The following NRG3 variants were observed in gnomAD, a reference collection of about 807,000 sequenced individuals.
The protein encoded by NRG3 is neuregulin 3, also known as pro-neuregulin-3, membrane-bound isoform.
Under a neutral mutation model 66.9 loss-of-function variants are expected in NRG3, and 31 were observed. The ratio of observed to expected loss-of-function variants is 0.46; its 90% CI spans 0.35 to 0.63. The LOEUF (loss-of-function observed/expected upper bound fraction) is 0.63. NRG3 is among the 20% of genes least tolerant of loss of function. The pLI is 0.00. For synonymous variants in NRG3, 393 were observed against 359.4 expected (o/e 1.09, Z -1.06); for missense variants, 910 against 878.9 (o/e 1.04, Z -0.45).
intron 2 of NRG3, among the ~76,000 whole-genome samples, chr10:82,708,158 C>T (rs977935983): frequency 1.3e-5 from 2 of 152,042 alleles, no homozygotes; most frequent in Non-Finnish European, 2.9e-5. Context: ...TGCTCATCTG[C>T]TATTTTTTCC....
At chr10:82,318,944 G>A (rs2081423601) in intron 1 of NRG3, among the ~76,000 whole-genome samples, 1 of 152,162 alleles carries the variant, frequency 6.6e-6, no homozygotes, top group Admixed American at 6.5e-5. Flanking sequence ...CCTAAAGAGT[G>A]TCTTTATAAA....
intron 1 of NRG3, among the ~76,000 whole-genome samples, chr10:82,005,789 CG>C (rs1564731035): frequency 6.6e-6 from 1 of 152,046 alleles, no homozygotes; most frequent in East Asian, 1.9e-4. Flanking sequence ...CACTAACGTA[CG>C]CTTTCTTTCA....
chr10:82,487,882 A>G (rs1346017742), intron 2 of NRG3, among the ~76,000 whole-genome samples: 1 of 152,180 alleles, frequency 6.6e-6, no homozygotes. Flanking sequence ...CAATATATTG[A>G]TTACAGTCTC....
intron 1 of NRG3, among the ~76,000 whole-genome samples, chr10:82,270,401 G>A (rs80324810): frequency 0.018 from 2,680 of 152,186 alleles, 31 homozygotes; most frequent in South Asian, 0.031. Context: ...TGAATGTTGA[G>A]TATATTAATA....
intron 1 of NRG3, among the ~76,000 whole-genome samples, chr10:82,321,680 G>T (rs1377821065): frequency 1.3e-5 from 2 of 152,180 alleles, no homozygotes; most frequent in African/African-American, 4.8e-5. Flanking sequence ...TTAAAATAAA[G>T]ATATGATTTG....
intron 1 of NRG3, among the ~76,000 whole-genome samples, chr10:82,308,265 T>G (rs1174069033): frequency 6.6e-6 from 1 of 152,126 alleles, no homozygotes; most frequent in Non-Finnish European, 1.5e-5. Context: ...TATTGTATTT[T>G]TAGTTAAGAG....
intron 4 of NRG3, among the ~76,000 whole-genome samples, chr10:82,870,406 C>T (rs1213449475): frequency 2.0e-5 from 3 of 152,082 alleles, no homozygotes; most frequent in African/African-American, 7.2e-5. Flanking sequence ...TTTGTGCAGG[C>T]TTTTGTATAG....
chr10:82,765,441 CAGAA>C (rs1345198525), intron 3 of NRG3, among the ~76,000 whole-genome samples: 4 of 152,110 alleles, frequency 2.6e-5, no homozygotes, highest in South Asian at 4.1e-4. Context: ...TATAAATAAA[CAGAA>C]AGTGAAATGG....
intron 1 of NRG3, among the ~76,000 whole-genome samples, chr10:82,206,281 C>T (rs1383658883): frequency 1.3e-5 from 2 of 152,168 alleles, no homozygotes; most frequent in African/African-American, 4.8e-5. Flanking sequence ...TTAGATAATA[C>T]CTTTGGTCTC....
chr10:82,193,432 A>G (rs1589269601), intron 1 of NRG3, among the ~76,000 whole-genome samples: 1 of 152,194 alleles, frequency 6.6e-6, no homozygotes, highest in Admixed American at 6.5e-5. Context: ...AGTGAGCTAC[A>G]ATGCCAGACC....
intron 6 of NRG3, among the ~76,000 whole-genome samples, chr10:82,964,985 G>C (rs984351547): frequency 3.3e-5 from 5 of 152,130 alleles, no homozygotes; most frequent in African/African-American, 1.2e-4. Flanking sequence ...GCAGGTGGGC[G>C]GGCAAGAGGA....
chr10:81,940,815 G>A (rs1044440443), intron 1 of NRG3, among the ~76,000 whole-genome samples: 2 of 151,988 alleles, frequency 1.3e-5, no homozygotes, highest in Non-Finnish European at 2.9e-5. Flanking sequence ...ACTGCATTGG[G>A]TCTAACATAT....
chr10:82,441,713 A>T (rs768005423), intron 2 of NRG3, among the ~76,000 whole-genome samples: 2 of 152,194 alleles, frequency 1.3e-5, no homozygotes, highest in Non-Finnish European at 2.9e-5. Context: ...TGTATTAATA[A>T]CAGATGAAAA....
chr10:81,905,664 C>G (rs1844534138), intron 1 of NRG3, among the ~76,000 whole-genome samples: 1 of 152,204 alleles, frequency 6.6e-6, no homozygotes, highest in Admixed American at 6.5e-5. Context: ...AAGGCCGTTT[C>G]CTACTCTGTT....
chr10:82,854,009 A>T (rs2063688359), intron 3 of NRG3, among the ~76,000 whole-genome samples: 1 of 152,174 alleles, frequency 6.6e-6, no homozygotes, highest in South Asian at 2.1e-4. Context: ...ACTTCCCAAA[A>T]GTATACCTAC....
Position 82,323,775 on chromosome 10 carries a change from G to C in NRG3, c.824-34964G>C, listed in dbSNP as rs147679347. ...GGAAGATTTTCAACTACAGTTTACTGATATAGATAGTTCAATAATTATATA... is the reference window on the plus strand; with the variant it reads ...GGAAGATTTTCAACTACAGTTTACTCATATAGATAGTTCAATAATTATATA... On this transcript the variant is annotated intron_variant, in intron 1 of 8. Transcript: ENST00000372141. Among the ~76,000 whole-genome samples the C allele has an allele frequency of 1.5e-3, 229 of 152,090 alleles. 2 individuals carry two copies. Among genetic ancestry groups the C allele is most frequent in the African/African-American group, 5.4e-3 (222 of 41,476 alleles).
rs191482346 is a variant in NRG3 at position 82,713,919 on chromosome 10, C to T, written c.954-24658C>T. On this transcript the variant is annotated intron_variant, in intron 2 of 8. Coordinates refer to ENST00000372141, the MANE Select transcript of NRG3 (RefSeq NM_001010848.4). ...GTCATTTCAACTCTCATCATTTTTT[C>T]CTGAAGATGTGGATGGATGCCCTGC... Among the ~76,000 whole-genome samples the T allele has an allele frequency of 4.5e-4, 68 of 152,110 alleles. No individual in the cohort carries two copies. In the East Asian group the frequency reaches 0.012, roughly 27 times the overall value.
intron 3 of NRG3, among the ~76,000 whole-genome samples, chr10:82,740,244 C>G (rs1326282402): frequency 6.6e-6 from 1 of 151,308 alleles, no homozygotes; most frequent in East Asian, 1.9e-4. Flanking sequence ...TTCCTTCCTC[C>G]CTCCCTCCCT....
In NRG3 at chr10:82,493,463, T is replaced by C. The variant is rs112291981; in HGVS notation, c.953+134595T>C. ...TGTCCCTGTAAAGGACAAGATCTTG[T>C]TCCTTTTTATGGCTGCATAGTATTC... On this transcript the variant is annotated intron_variant, in intron 2 of 8. Transcript: ENST00000372141. Among the ~76,000 whole-genome samples, 664 of 152,310 alleles carry C rather than the reference T, an allele frequency of 4.4e-3. 5 individuals are homozygous for C. The highest frequency in any genetic ancestry group is 0.015 in the African/African-American group (641 of 41,560).
Sources: allele counts gnomAD v4.1 joint callset (sites outside exome capture counted in the v4.1 genomes callset), GRCh38; gene constraint gnomAD v4.1.1; transcripts MANE v1.5; gene names NCBI Gene and HGNC (gene_info 2026-07-23, HGNC 2026-07-21).